ATG4B: variants seen among roughly 807,000 people sequenced by gnomAD.
ATG4B encodes the protein cysteine protease ATG4B.
ATG4B carries 29 observed loss-of-function variants against 56.6 expected under a neutral mutation model. That is an observed-to-expected ratio of 0.51 (90% confidence interval 0.38 to 0.70). ATG4B has a LOEUF of 0.70. ATG4B is among the 30% of genes least tolerant of loss of function. The pLI is 0.00. For synonymous variants in ATG4B, 224 were observed against 206.1 expected (o/e 1.09, Z -0.74); for missense variants, 461 against 515.5 (o/e 0.89, Z 1.02).
chr2:241,637,777 T>G (rs1304553288), intron 1 of ATG4B, 53 bp downstream of exon 1: 18 of 1,533,118 alleles, frequency 1.2e-5, no homozygotes, highest in African/African-American at 1.4e-5. Context: ...GCCTTATCAT[T>G]GGCCTCCCCT....
intron 5 of ATG4B, 49 bp from the exon 6 acceptor site, chr2:241,655,222 C>T (rs373002188): frequency 5.1e-5 from 79 of 1,561,726 alleles, no homozygotes; most frequent in Non-Finnish European, 6.5e-5. Flanking sequence ...CACCAGAGGT[C>T]AGGGCTGGGG....
chr2:241,673,788 A>G lies in ATG4B; in HGVS notation c.*1524A>G, dbSNP rs566183147. ...TTTTGAAAAAGGCTTAATGAAGAGA[A>G]TGTTGTTCATTCTTAGTAGTATAGT... On this transcript the variant is annotated 3_prime_UTR_variant, in exon 13 of 13. Coordinates refer to ENST00000404914, the MANE Select transcript of ATG4B (RefSeq NM_013325.5). 6.4e-5 allele frequency: 29 copies of G among 453,814 alleles called. No individual in the cohort carries two copies. Among genetic ancestry groups the G allele is most frequent in the South Asian group, 4.3e-4 (28 of 64,472 alleles). The allele number at this position is 453,814 out of a possible 1,614,324, so 28.1% of individuals were successfully genotyped here.
chr2:241,659,020 C>G (rs1051565524), intron 6 of ATG4B, 88 bp from the exon 7 acceptor site: 3 of 1,033,024 alleles, frequency 2.9e-6, no homozygotes, highest in Non-Finnish European at 4.2e-6. Flanking sequence ...ACCTCTAACG[C>G]GAACCCTCCT....
chr2:241,665,061 A>G (rs1266296406), intron 7 of ATG4B, among the ~76,000 whole-genome samples: 2 of 152,224 alleles, frequency 1.3e-5, no homozygotes, highest in Admixed American at 1.3e-4. Flanking sequence ...TTGAGGCTGC[A>G]GTGAGCTGTG....
chr2:241,664,773 G>A (rs866326018), intron 7 of ATG4B, among the ~76,000 whole-genome samples: 28 of 152,196 alleles, frequency 1.8e-4, no homozygotes, highest in Middle Eastern at 3.4e-3. Context: ...AGACCAGCCC[G>A]GCCAATGTGG....
At chr2:241,649,784 C>CTTTTTTTTTTTT (rs111624909) in intron 1 of ATG4B, among the ~76,000 whole-genome samples, 9 of 137,508 alleles carry the variant, frequency 6.5e-5, no homozygotes, top group Non-Finnish European at 1.1e-4. Context: ...TTTTCTTTTT[C>CTTTTTTTTTTTT]TTTTTTTTTT....
At chr2:241,652,077 A>G in intron 3 of ATG4B, 1 of 762,154 alleles carries the variant, frequency 1.3e-6, no homozygotes, top group Non-Finnish European at 1.9e-6. Flanking sequence ...GTGGAAGTCA[A>G]ATAGCCACAA....
chr2:241,654,259 A>G (rs1336675402), intron 4 of ATG4B, among the ~76,000 whole-genome samples: 1 of 151,870 alleles, frequency 6.6e-6, no homozygotes, highest in East Asian at 1.9e-4. Flanking sequence ...CATCTCTACT[A>G]AAAACACAAA....
chr2:241,670,697 G>A (rs757698005), intron 10 of ATG4B, 29 bp from the exon 11 acceptor site: 115 of 1,595,248 alleles, frequency 7.2e-5, no homozygotes, highest in Admixed American at 2.1e-4. Flanking sequence ...TGGGGGTGTC[G>A]TGTTCTGCTC....
intron 1 of ATG4B, among the ~76,000 whole-genome samples, chr2:241,638,058 C>T (rs1322330776): frequency 3.3e-5 from 5 of 151,580 alleles, no homozygotes; most frequent in Admixed American, 1.3e-4. Flanking sequence ...GCCTGCCGGG[C>T]GGGGAGAGGC....
chr2:241,653,601 C>G lies in ATG4B; in HGVS notation c.274C>G (p.Leu92Val), dbSNP rs1464289611. 6.4e-7 allele frequency: 1 copy of G among 1,566,128 alleles called. No homozygotes were observed. The highest frequency in any genetic ancestry group is 8.7e-7 in the Non-Finnish European group (1 of 1,155,066). Residue 92 changes from leucine to valine, a missense_variant, in exon 4 of 13, where the codon CTA (leucine) becomes GTA (valine). By Grantham distance (32) the Leu-to-Val change is conservative. Transcript: ENST00000404914. ...IFAQALVCRH[L>V]GRDWRWTQRK... ...TGCCCAAGCCCTGGTGTGCCGGCAC[C>G]TAGGCCGAGGTGAGTCACAGCCCTG...
At chr2:241,652,161 A>G in intron 3 of ATG4B, 1 of 339,102 alleles carries the variant, frequency 2.9e-6, no homozygotes, top group Middle Eastern at 1.1e-3. Flanking sequence ...TTAATGATAC[A>G]CCTTGTGAGA....
intron 6 of ATG4B, among the ~76,000 whole-genome samples, chr2:241,657,461 T>C (rs1029191971): frequency 2.0e-5 from 3 of 151,404 alleles, no homozygotes; most frequent in African/African-American, 7.3e-5. Context: ...CATGCCACCA[T>C]GCCCAACTAA....
intron 1 of ATG4B, among the ~76,000 whole-genome samples, chr2:241,648,206 G>C (rs1292227900): frequency 6.6e-6 from 1 of 152,198 alleles, no homozygotes; most frequent in African/African-American, 2.4e-5. Context: ...TAAAAAGGCA[G>C]GAGAGAATGT....
chr2:241,666,057 G>A (rs1404755422), intron 7 of ATG4B, among the ~76,000 whole-genome samples: 1 of 152,228 alleles, frequency 6.6e-6, no homozygotes, highest in Non-Finnish European at 1.5e-5. Flanking sequence ...TTAAGCAGAT[G>A]CTGCAGGCAC....
Position 241,666,689 on chromosome 2 carries a change from T to G in ATG4B, c.583T>G (p.Phe195Val), listed in dbSNP as rs368301151. 1.5e-4 allele frequency: 235 copies of G among 1,613,460 alleles called. No homozygotes were observed. The highest frequency in any genetic ancestry group is 6.3e-4 in the Admixed American group (38 of 59,954). ...CGTTCCCTGTGCAGGCGCCACTGCG[T>G]TTCCTGCAGATTCCGACCGGCACTG... ...TSVPCAGATA[F>V]PADSDRHCNG... Residue 195 changes from phenylalanine to valine, a missense_variant, in exon 8 of 13, where the codon TTT becomes GTT. By Grantham distance (50) the Phe-to-Val change is conservative. Coordinates refer to ENST00000404914, the MANE Select transcript of ATG4B (RefSeq NM_013325.5).
intron 12 of ATG4B, chr2:241,671,855 T>G: frequency 7.7e-7 from 1 of 1,290,400 alleles, no homozygotes; most frequent in Non-Finnish European, 9.9e-7. Flanking sequence ...GTCCTCCTCA[T>G]CTCTGTCTCC....
At chr2:241,650,199 C>A (rs35054734) in intron 1 of ATG4B, among the ~76,000 whole-genome samples, 1 of 152,120 alleles carries the variant, frequency 6.6e-6, no homozygotes, top group Non-Finnish European at 1.5e-5. Context: ...GGGGTGTTGC[C>A]CCATGGAAGT....
chr2:241,644,847 G>C (rs576737471), intron 1 of ATG4B, among the ~76,000 whole-genome samples: 2 of 152,088 alleles, frequency 1.3e-5, no homozygotes, highest in East Asian at 3.9e-4. Flanking sequence ...TACTCGGGAG[G>C]CTGAGGCAGG....
Sources: allele counts gnomAD v4.1 joint callset (sites outside exome capture counted in the v4.1 genomes callset), GRCh38; gene constraint gnomAD v4.1.1; transcripts MANE v1.5; gene names NCBI Gene and HGNC (gene_info 2026-07-23, HGNC 2026-07-21).